Variants in PCNX1 observed in about 807,000 individuals in gnomAD.
PCNX1 encodes the protein pecanex 1.
Under a neutral mutation model 242.2 loss-of-function variants are expected in PCNX1, and 78 were observed. The ratio of observed to expected loss-of-function variants is 0.32; its 90% CI spans 0.27 to 0.39. The LOEUF (loss-of-function observed/expected upper bound fraction) is 0.39, where lower values mean the gene tolerates loss of function less well. PCNX1 is among the 10% of genes least tolerant of loss of function. PCNX1 has a pLI of 1.00. For synonymous variants in PCNX1, 1,024 were observed against 1,032.9 expected, an observed-to-expected ratio of 0.99 and a Z score of 0.17; for missense variants, 2,581 against 2,856.5, an observed-to-expected ratio of 0.90 and a Z score of 2.20.
At chr14:70,970,376 T>C (rs955249289) in intron 5 of PCNX1, among the ~76,000 whole-genome samples, 1 of 152,038 alleles carries the variant, frequency 6.6e-6, no homozygotes. Flanking sequence ...TCTCTCTCAG[T>C]CAATCAACCA....
intron 27 of PCNX1, among the ~76,000 whole-genome samples, chr14:71,074,367 A>AG (rs1458069059): frequency 6.6e-6 from 1 of 152,228 alleles, no homozygotes; most frequent in Non-Finnish European, 1.5e-5. Flanking sequence ...GACCACTCAT[A>AG]GGGTAAGTTG....
At chr14:71,056,738 G>GCAAAGT (rs1289959043) in intron 25 of PCNX1, among the ~76,000 whole-genome samples, 2 of 151,798 alleles carry the variant, frequency 1.3e-5, no homozygotes, top group East Asian at 3.9e-4. Context: ...GAGTGCAGTG[G>GCAAAGT]CACAGTCACA....
intron 16 of PCNX1, among the ~76,000 whole-genome samples, chr14:71,033,138 A>G (rs1348958904): frequency 6.6e-6 from 1 of 152,236 alleles, no homozygotes; most frequent in East Asian, 1.9e-4. Context: ...GAAAGAATTG[A>G]TAGCCTCATG....
Position 70,994,396 on chromosome 14 carries a change from G to GATATATATATATATAT in PCNX1, c.2445-1326_2445-1311dup, listed in dbSNP as rs35068772. Reference sequence around the variant, plus strand: ...TCTATTATCATAACCACAGGCTTAAGATATATATATATATATATATATATA... The same window carrying GATATATATATATATAT: ...TCTATTATCATAACCACAGGCTTAAGATATATATATATATATATATATATATATATATATATATATA... On this transcript the variant is annotated intron_variant, in intron 7 of 35. Transcript: ENST00000304743. Among the ~76,000 whole-genome samples the GATATATATATATATAT allele has an allele frequency of 6.4e-3, 622 of 96,732 alleles. 21 individuals are homozygous for GATATATATATATATAT. The highest frequency in any genetic ancestry group is 0.011 in the Middle Eastern group (2 of 182). The allele number at this position is 96,732 out of a possible 152,430, so 63.5% of individuals were successfully genotyped here.
At chr14:71,034,497 G>C (rs537016928) in intron 18 of PCNX1, among the ~76,000 whole-genome samples, 1 of 152,178 alleles carries the variant, frequency 6.6e-6, no homozygotes, top group African/African-American at 2.4e-5. Context: ...GGCTGAAGGA[G>C]AGAACAATAA....
chr14:71,007,835 T>TA (rs1160669137), intron 8 of PCNX1, among the ~76,000 whole-genome samples: 2 of 152,232 alleles, frequency 1.3e-5, no homozygotes, highest in East Asian at 1.9e-4. Context: ...CCTACCACTT[T>TA]AAAAAAACTT....
intron 1 of PCNX1, among the ~76,000 whole-genome samples, chr14:70,911,690 T>G (rs2055918043): frequency 6.6e-6 from 1 of 152,188 alleles, no homozygotes; most frequent in Non-Finnish European, 1.5e-5. Flanking sequence ...TTCTGAACCT[T>G]GATTTACTCA....
intron 23 of PCNX1, 33 bp downstream of exon 23, chr14:71,050,793 AC>A: frequency 6.3e-7 from 1 of 1,590,994 alleles, no homozygotes; most frequent in Non-Finnish European, 8.6e-7. Context: ...ATAAGAATGG[AC>A]AGTCATATCC....
intron 3 of PCNX1, among the ~76,000 whole-genome samples, chr14:70,965,017 A>G (rs1327743084): frequency 1.3e-5 from 2 of 152,184 alleles, no homozygotes; most frequent in African/African-American, 4.8e-5. Flanking sequence ...GTATTTTATT[A>G]TATAATGTGT....
At chr14:71,053,172 T>G (rs1381451258) in intron 24 of PCNX1, 1 of 417,744 alleles carries the variant, frequency 2.4e-6, no homozygotes, top group African/African-American at 2.1e-5. Context: ...TGTTATTAAT[T>G]ATTATTCCTC....
intron 5 of PCNX1, among the ~76,000 whole-genome samples, chr14:70,975,445 TTTAA>T (rs1176663298): frequency 1.3e-5 from 2 of 152,196 alleles, no homozygotes; most frequent in Non-Finnish European, 2.9e-5. Flanking sequence ...TCCGTGAATT[TTTAA>T]TTAATTAATC....
chr14:70,979,776 T>G (rs984892090), intron 6 of PCNX1, among the ~76,000 whole-genome samples: 45 of 152,170 alleles, frequency 3.0e-4, no homozygotes, highest in Non-Finnish European at 5.1e-4. Flanking sequence ...TAGATTTTTT[T>G]GGGGGTCAAG....
chr14:70,982,392 C>T (rs1475511985), intron 6 of PCNX1, among the ~76,000 whole-genome samples: 1 of 152,166 alleles, frequency 6.6e-6, no homozygotes, highest in Non-Finnish European at 1.5e-5. Flanking sequence ...GCTGTAATAA[C>T]TGTACAAGCC....
At chr14:71,035,823 C>T (rs748615176) in intron 18 of PCNX1, among the ~76,000 whole-genome samples, 5 of 152,116 alleles carry the variant, frequency 3.3e-5, no homozygotes, top group Non-Finnish European at 7.4e-5. Context: ...GCAGGAGAAT[C>T]GCTTGAACCC....
Position 71,114,958 on chromosome 14 carries a change from G to GGGA in PCNX1, c.*5023_*5024insGGA, listed in dbSNP as rs2062828645. ...ATAATAGAAATGGGGGGGGGGGGGGGAATCATGTCTGCTTATGCTTTTTAA... is the reference window on the plus strand; with the variant it reads ...ATAATAGAAATGGGGGGGGGGGGGGGGGAAATCATGTCTGCTTATGCTTTTTAA... On this transcript the variant is annotated 3_prime_UTR_variant, in exon 36 of 36. Transcript: ENST00000304743. 1 of 50,540 alleles carries GGGA rather than the reference G, an allele frequency of 2.0e-5. No individual in the cohort carries two copies. Among genetic ancestry groups the GGGA allele is most frequent in the African/African-American group, 6.2e-5 (1 of 16,162 alleles). The allele number at this position is 50,540 out of a possible 1,614,324, so 3.1% of individuals were successfully genotyped here.
rs369579573 is a variant in PCNX1, at chr14:71,021,807, G to C, written c.3151-1393G>C. Among the ~76,000 whole-genome samples the C allele has an allele frequency of 3.6e-3, 550 of 151,960 alleles. 1 individual carries two copies. Among genetic ancestry groups the C allele is most frequent in the African/African-American group, 0.013 (533 of 41,460 alleles). ...ACCCTCATGTTTCTTTCACTTTTCAGATGACTCTCTTTTCCTTTGTTGATC... is the reference window on the plus strand; with the variant it reads ...ACCCTCATGTTTCTTTCACTTTTCACATGACTCTCTTTTCCTTTGTTGATC... On this transcript the variant is annotated intron_variant, in intron 12 of 35. Transcript: ENST00000304743.
At chr14:70,986,529 T>C (rs1247685612) in intron 6 of PCNX1, among the ~76,000 whole-genome samples, 3 of 152,322 alleles carry the variant, frequency 2.0e-5, no homozygotes, top group Admixed American at 6.5e-5. Flanking sequence ...CCCAGTACTA[T>C]GGAATAATTA....
chr14:71,027,581 A>G (rs2060272164), intron 15 of PCNX1, among the ~76,000 whole-genome samples: 1 of 151,904 alleles, frequency 6.6e-6, no homozygotes, highest in Non-Finnish European at 1.5e-5. Flanking sequence ...AAGGGAAAGA[A>G]ATTACTGTAA....
chr14:70,940,833 C>A (rs575237662), intron 1 of PCNX1, among the ~76,000 whole-genome samples: 2 of 152,084 alleles, frequency 1.3e-5, no homozygotes, highest in Non-Finnish European at 2.9e-5. Context: ...TTTCTTTTTA[C>A]TCTTTTTTCT....
Sources: gnomAD v4.1 joint callset for allele counts (sites outside exome capture counted in the v4.1 genomes callset) on GRCh38, gnomAD v4.1.1 for gene constraint, MANE v1.5 for transcripts, NCBI Gene and HGNC (gene_info 2026-07-23, HGNC 2026-07-21) for gene names.